Variants in BNC2 observed in about 807,000 individuals in gnomAD.
BNC2 encodes the protein zinc finger protein basonuclin-2.
A neutral mutation model predicts 76.3 loss-of-function variants in BNC2; 20 were observed. The ratio of observed to expected loss-of-function variants is 0.26; its 90% CI spans 0.18 to 0.38. The LOEUF is 0.38. BNC2 is among the 10% of genes least tolerant of loss of function. The probability of loss-of-function intolerance (pLI) is 1.00; values close to 1 mark genes in which losing one functional copy is unlikely to be tolerated. For synonymous variants in BNC2, 582 were observed against 514.8 expected (o/e 1.13, Z -1.77); for missense variants, 1,382 against 1,399.8 (o/e 0.99, Z 0.20).
At chr9:16,837,443 G>A (rs1285365101) in intron 1 of BNC2, among the ~76,000 whole-genome samples, 2 of 152,200 alleles carry the variant, frequency 1.3e-5, no homozygotes, top group Non-Finnish European at 2.9e-5. Context: ...GGCAGAGGTT[G>A]CAGAGAGCTG....
At chr9:16,558,863 A>G (rs28593297) in intron 4 of BNC2, among the ~76,000 whole-genome samples, 29,208 of 150,644 alleles carry the variant, frequency 0.19, 5,134 homozygotes, top group African/African-American at 0.46. Flanking sequence ...GAACCCGGGA[A>G]GCAGAGGTTG....
At chr9:16,474,713 C>T (rs1433157768) in intron 5 of BNC2, among the ~76,000 whole-genome samples, 1 of 152,052 alleles carries the variant, frequency 6.6e-6, no homozygotes, top group Non-Finnish European at 1.5e-5. Flanking sequence ...TTTAATTGCA[C>T]TTGAAGCTTT....
intron 3 of BNC2, among the ~76,000 whole-genome samples, chr9:16,583,847 A>C (rs539825291): frequency 5.6e-4 from 85 of 152,308 alleles, no homozygotes; most frequent in African/African-American, 1.9e-3. Context: ...ATTGCAGAAA[A>C]CTGAAAAACA....
chr9:16,516,601 A>G (rs1233720494), intron 5 of BNC2, among the ~76,000 whole-genome samples: 1 of 152,206 alleles, frequency 6.6e-6, no homozygotes, highest in East Asian at 1.9e-4. Flanking sequence ...TCTAGTACAC[A>G]CAGTCTAAAT....
At chr9:16,544,707 G>C (rs949084957) in intron 5 of BNC2, among the ~76,000 whole-genome samples, 1 of 151,688 alleles carries the variant, frequency 6.6e-6, no homozygotes, top group African/African-American at 2.4e-5. Context: ...TAATTTAGGA[G>C]GCTGAGGCAG....
At chr9:16,814,402 A>G (rs1244940176) in intron 1 of BNC2, among the ~76,000 whole-genome samples, 1 of 152,228 alleles carries the variant, frequency 6.6e-6, no homozygotes, top group Admixed American at 6.5e-5. Flanking sequence ...GGTTGTGATC[A>G]GTATTTTGCA....
chr9:16,772,708 A>G (rs1161980144), intron 1 of BNC2, among the ~76,000 whole-genome samples: 1 of 152,152 alleles, frequency 6.6e-6, no homozygotes, highest in Non-Finnish European at 1.5e-5. Context: ...CAAGCCCAAC[A>G]AATTGAAGGT....
intron 5 of BNC2, among the ~76,000 whole-genome samples, chr9:16,488,178 T>C (rs1189965986): frequency 6.6e-6 from 1 of 152,174 alleles, no homozygotes; most frequent in Non-Finnish European, 1.5e-5. Context: ...ACCTTAACAA[T>C]GGCCTTTTTC....
chr9:16,707,714 T>C (rs1337436204), intron 3 of BNC2, among the ~76,000 whole-genome samples: 1 of 152,190 alleles, frequency 6.6e-6, no homozygotes, highest in African/African-American at 2.4e-5. Context: ...CGGTTTCAGT[T>C]CACTGCAACC....
Position 16,419,136 on chromosome 9 carries a change from T to C in BNC2, c.3153A>G (p.Arg1051=), listed in dbSNP as rs909534487. The change falls in exon 7 of 7, where the codon AGA becomes AGG. Residue 1051 remains arginine (R), a synonymous_variant. Transcript: ENST00000380672. ...HKMYSNKGTL[R]VHYKTVHLRE... is the part of the protein sequence containing the mutation. Reference sequence around the variant, plus strand: ...TCAAATGCACAGTTTTGTAGTGCACTCTCAGGGTCCCCTTGTTGCTGTACA... The same window carrying C: ...TCAAATGCACAGTTTTGTAGTGCACCCTCAGGGTCCCCTTGTTGCTGTACA... The C allele has an allele frequency of 2.5e-6, 4 of 1,614,200 alleles. No individual in the cohort carries two copies. The highest frequency in any genetic ancestry group is 3.4e-6 in the Non-Finnish European group (4 of 1,180,040).
rs1027916107 is a variant in BNC2 at position 16,482,390 on chromosome 9, A to G, written c.670-44866T>C. Reference sequence around the variant, plus strand: ...TATTATATCCCATTGTGTCAACCCAATAGTGTTGGGAAACCTTTAAAAAAA... The same window carrying G: ...TATTATATCCCATTGTGTCAACCCAGTAGTGTTGGGAAACCTTTAAAAAAA... On this transcript the variant is annotated intron_variant, in intron 5 of 6. Transcript: ENST00000380672. Among the ~76,000 whole-genome samples the G allele has an allele frequency of 5.9e-4, 90 of 152,280 alleles. 1 individual carries two copies. Among genetic ancestry groups the G allele is most frequent in the Middle Eastern group, 3.4e-3 (1 of 294 alleles).
At chr9:16,581,480 C>T (rs1448491093) in intron 4 of BNC2, among the ~76,000 whole-genome samples, 1 of 152,130 alleles carries the variant, frequency 6.6e-6, no homozygotes, top group Admixed American at 6.5e-5. Context: ...ACCGCTTGAA[C>T]CCGGGAGTTG....
At chr9:16,801,529 G>A (rs1046012993) in intron 1 of BNC2, among the ~76,000 whole-genome samples, 11 of 151,924 alleles carry the variant, frequency 7.2e-5, no homozygotes, top group South Asian at 4.2e-4. Flanking sequence ...AGCCACCGTG[G>A]CCAGCCCCAT....
At chr9:16,575,181 C>G in intron 4 of BNC2, 1 of 783,508 alleles carries the variant, frequency 1.3e-6, no homozygotes, top group Non-Finnish European at 1.5e-6. Context: ...ATTCTACCTA[C>G]AGTAGGTGAC....
intron 4 of BNC2, among the ~76,000 whole-genome samples, chr9:16,560,043 C>G (rs1818961996): frequency 6.6e-6 from 1 of 152,188 alleles, no homozygotes; most frequent in African/African-American, 2.4e-5. Flanking sequence ...GTAGACGGAA[C>G]TAAGGCAGTG....
At chr9:16,836,525 A>G (rs1418048364) in intron 1 of BNC2, among the ~76,000 whole-genome samples, 3 of 152,012 alleles carry the variant, frequency 2.0e-5, no homozygotes, top group Non-Finnish European at 2.9e-5. Flanking sequence ...GAGAAAAAAA[A>G]AAAAAAGAAT....
At chr9:16,497,508 T>C (rs1485908396) in intron 5 of BNC2, among the ~76,000 whole-genome samples, 1 of 152,188 alleles carries the variant, frequency 6.6e-6, no homozygotes, top group Non-Finnish European at 1.5e-5. Context: ...CCACACATTA[T>C]ACCGGAAACC....
chr9:16,569,262 A>C (rs1563843708), intron 4 of BNC2, among the ~76,000 whole-genome samples: 1 of 152,038 alleles, frequency 6.6e-6, no homozygotes, highest in Admixed American at 6.6e-5. Flanking sequence ...TACATGAGGG[A>C]TAATGTATAA....
intron 3 of BNC2, among the ~76,000 whole-genome samples, chr9:16,688,288 C>T (rs976280366): frequency 1.3e-5 from 2 of 152,138 alleles, no homozygotes; most frequent in Non-Finnish European, 2.9e-5. Flanking sequence ...AAGCTGATAA[C>T]CTAATTAGTT....
Sources: gnomAD v4.1 joint callset for allele counts (sites outside exome capture counted in the v4.1 genomes callset) on GRCh38, gnomAD v4.1.1 for gene constraint, MANE v1.5 for transcripts, NCBI Gene and HGNC (gene_info 2026-07-23, HGNC 2026-07-21) for gene names.